The following DNAH11 variants were observed in gnomAD, a reference collection of about 807,000 sequenced individuals.
DNAH11 encodes the protein dynein axonemal heavy chain 11.
A neutral mutation model predicts 526.0 loss-of-function variants in DNAH11; 442 were observed. The ratio of observed to expected loss-of-function variants is 0.84; its 90% CI spans 0.78 to 0.91. The LOEUF is 0.91. Ranked by LOEUF, DNAH11 falls within the 40% of genes least tolerant of loss-of-function variation. The pLI is 0.00. For synonymous variants in DNAH11, 2,461 were observed against 1,935.9 expected (o/e 1.27, Z -7.12); for missense variants, 6,989 against 5,448.7 (o/e 1.28, Z -8.90).
In DNAH11 at chr7:21,744,870, G is replaced by C; in HGVS notation, c.8317G>C (p.Gly2773Arg). The C allele has an allele frequency of 1.2e-6, 2 of 1,606,824 alleles. No individual in the cohort carries two copies. The highest frequency in any genetic ancestry group is 8.5e-7 in the Non-Finnish European group (1 of 1,176,670). The change falls in exon 51 of 82, where the codon GGT becomes CGT. Residue 2773 changes from glycine to arginine, a missense_variant and splice_region_variant. Physicochemically the swap from Gly to Arg is moderately radical, Grantham distance 125. Coordinates refer to ENST00000409508, the MANE Select transcript of DNAH11 (RefSeq NM_001277115.2). ...MLETAYKYFE[G>R]IDSHMLLQQP... is the part of the protein sequence containing the mutation. Reference sequence around the variant, plus strand: ...TATTTTTCTCTTTCTCATCCTGCAGGGTATAGATAGTCACATGCTGCTTCA... The same window carrying C: ...TATTTTTCTCTTTCTCATCCTGCAGCGTATAGATAGTCACATGCTGCTTCA...
chr7:21,629,500 G>A (rs1290036844), intron 25 of DNAH11, among the ~76,000 whole-genome samples: 1 of 152,028 alleles, frequency 6.6e-6, no homozygotes, highest in Non-Finnish European at 1.5e-5. Flanking sequence ...TCTAAGAATG[G>A]GGCGTTAAAG....
At chr7:21,748,967 T>C (rs1464516120) in intron 52 of DNAH11, among the ~76,000 whole-genome samples, 1 of 152,220 alleles carries the variant, frequency 6.6e-6, no homozygotes. Flanking sequence ...TTTAATAACA[T>C]GTAAACCTGG....
At chr7:21,689,731 C>T (rs1405985476) in intron 34 of DNAH11, among the ~76,000 whole-genome samples, 1 of 152,222 alleles carries the variant, frequency 6.6e-6, no homozygotes, top group Non-Finnish European at 1.5e-5. Context: ...GTGTCTAAAG[C>T]ACCCTTAGTC....
intron 54 of DNAH11, among the ~76,000 whole-genome samples, chr7:21,759,207 C>T (rs1786778327): frequency 6.6e-6 from 1 of 152,086 alleles, no homozygotes; most frequent in African/African-American, 2.4e-5. Flanking sequence ...CAATTTTCTT[C>T]TTGAATAGGA....
Position 21,864,536 on chromosome 7 carries a change from T to G in DNAH11, c.11375T>G (p.Ile3792Ser). ...TTTTCAATTTTGTCTACTCTCAAGA[T>G]TTTGTTGAGAAAGAAAGAGATAGAC... is the stretch of plus-strand genomic sequence containing the variant. ...LTFLSQMAFQ[I>S]LLRKKEIDPL... The change falls in exon 70 of 82, where the codon ATT becomes AGT. Residue 3792 changes from isoleucine (I) to serine (S), a missense_variant and splice_region_variant. Physicochemically the swap from Ile to Ser is moderately radical, Grantham distance 142 (BLOSUM62 -2). Transcript: ENST00000409508. The G allele has an allele frequency of 6.2e-7, 1 of 1,610,866 alleles. No individual in the cohort carries two copies. The highest frequency in any genetic ancestry group is 1.1e-5 in the South Asian group (1 of 90,516).
chr7:21,764,846 A>G (rs1457804114), intron 54 of DNAH11, among the ~76,000 whole-genome samples: 1 of 152,254 alleles, frequency 6.6e-6, no homozygotes, highest in Non-Finnish European at 1.5e-5. Flanking sequence ...AATTCTCAGC[A>G]GGAGAATGTT....
intron 30 of DNAH11, 124 bp from the exon 31 acceptor site, chr7:21,681,422 A>G (rs1008570439): frequency 7.9e-6 from 8 of 1,009,924 alleles, no homozygotes; most frequent in Admixed American, 2.7e-5. Context: ...GTGAGACTCC[A>G]TCTCAAAAAA....
At chr7:21,887,025 T>C (rs914080190) in intron 76 of DNAH11, among the ~76,000 whole-genome samples, 7 of 152,244 alleles carry the variant, frequency 4.6e-5, no homozygotes, top group Non-Finnish European at 1.0e-4. Flanking sequence ...GCTGTTTATA[T>C]GATTAGCAAC....
At chr7:21,847,083 C>T (rs1169356144) in intron 66 of DNAH11, among the ~76,000 whole-genome samples, 1 of 152,104 alleles carries the variant, frequency 6.6e-6, no homozygotes, top group Non-Finnish European at 1.5e-5. Flanking sequence ...TCTCTTGTCT[C>T]TTGGCTAGCC....
chr7:21,730,220 T>A (rs1339658353), intron 45 of DNAH11, among the ~76,000 whole-genome samples: 1 of 152,100 alleles, frequency 6.6e-6, no homozygotes, highest in Non-Finnish European at 1.5e-5. Flanking sequence ...AGATATGGAG[T>A]TAACCTAAGT....
intron 25 of DNAH11, among the ~76,000 whole-genome samples, chr7:21,629,731 A>G (rs906508611): frequency 1.3e-5 from 2 of 152,086 alleles, no homozygotes; most frequent in Non-Finnish European, 2.9e-5. Flanking sequence ...TGATCTAAGT[A>G]TAGCTACTCT....
chr7:21,682,399 G>A (rs544036255), intron 31 of DNAH11, among the ~76,000 whole-genome samples: 2 of 151,942 alleles, frequency 1.3e-5, no homozygotes, highest in East Asian at 1.9e-4. Context: ...GGTGGTGGGT[G>A]CCTGTAGTCC....
intron 66 of DNAH11, among the ~76,000 whole-genome samples, chr7:21,850,608 C>CTTTTTTTTTTTTTT (rs3062635): frequency 4.9e-4 from 31 of 62,686 alleles, no homozygotes; most frequent in Middle Eastern, 0.013. Context: ...CTGTCTTCTT[C>CTTTTTTTTTTTTTT]TTTTTTTTTT....
At chr7:21,775,596 A>G (rs1299597847) in intron 56 of DNAH11, among the ~76,000 whole-genome samples, 2 of 136,584 alleles carry the variant, frequency 1.5e-5, no homozygotes, top group African/African-American at 2.8e-5. Context: ...AACCTGAGCA[A>G]CAGAGTGAGA....
chr7:21,687,389 G>A lies in DNAH11; in HGVS notation c.5786G>A (p.Gly1929Asp). The change falls in exon 34 of 82, where the codon GGC (glycine) becomes GAC (aspartate). Residue 1929 changes from glycine to aspartate, a missense_variant. Coordinates refer to ENST00000409508, the MANE Select transcript of DNAH11 (RefSeq NM_001277115.2). ...CSEQMDYKSIGNIYKGLVQTG... is the reference protein window; with the variant it reads ...CSEQMDYKSIDNIYKGLVQTG... ...CCTCACTTTATCATTTAGTCCATAG[G>A]CAATATCTATAAGGGATTGGTGCAG... The A allele has an allele frequency of 2.5e-6, 4 of 1,610,694 alleles. No homozygotes were observed. Among genetic ancestry groups the A allele is most frequent in the Non-Finnish European group, 3.4e-6 (4 of 1,178,330 alleles).
chr7:21,789,819 TCTTTC>T (rs1562547288), intron 61 of DNAH11, among the ~76,000 whole-genome samples: 42 of 95,400 alleles, frequency 4.4e-4, no homozygotes, highest in African/African-American at 1.2e-3. Context: ...TTTCTTTCTT[TCTTTC>T]TTTCTTTCTT....
intron 8 of DNAH11, among the ~76,000 whole-genome samples, chr7:21,573,629 A>G (rs1254531117): frequency 6.6e-6 from 1 of 152,190 alleles, no homozygotes; most frequent in Non-Finnish European, 1.5e-5. Context: ...CTTTGACTTC[A>G]TGATGAAATC....
chr7:21,551,855 T>C (rs1783035979), intron 2 of DNAH11, among the ~76,000 whole-genome samples: 1 of 142,794 alleles, frequency 7.0e-6, no homozygotes, highest in Non-Finnish European at 1.5e-5. Context: ...ATATTTGTTG[T>C]TATGAGCAAA....
chr7:21,570,043 C>G (rs1404948616), intron 6 of DNAH11, 26 bp from the exon 7 acceptor site: 1 of 1,512,904 alleles, frequency 6.6e-7, no homozygotes. Context: ...TAGTTTTGAT[C>G]ATTGTTCCCT....
Sources: gnomAD v4.1 joint callset for allele counts (sites outside exome capture counted in the v4.1 genomes callset) on GRCh38, gnomAD v4.1.1 for gene constraint, MANE v1.5 for transcripts, NCBI Gene and HGNC (gene_info 2026-07-23, HGNC 2026-07-21) for gene names.